STIM1: variants seen among roughly 807,000 people sequenced by gnomAD.
The protein encoded by STIM1 is stromal interaction molecule 1.
A neutral mutation model predicts 74.7 loss-of-function variants in STIM1; 25 were observed. The ratio of observed to expected loss-of-function variants is 0.33; its 90% CI spans 0.24 to 0.47. The LOEUF (loss-of-function observed/expected upper bound fraction) is 0.47, where lower values mean the gene tolerates loss of function less well. Ranked by LOEUF, STIM1 falls within the 20% of genes least tolerant of loss-of-function variation. STIM1 has a pLI of 1.00. For synonymous variants in STIM1, 328 were observed against 348.8 expected (o/e 0.94, Z 0.66); for missense variants, 728 against 920.8 (o/e 0.79, Z 2.71).
intron 1 of STIM1, among the ~76,000 whole-genome samples, chr11:3,936,000 A>G (rs139420335): frequency 1.2e-3 from 176 of 152,284 alleles, no homozygotes; most frequent in Non-Finnish European, 2.0e-3. Flanking sequence ...AACTTTTCAA[A>G]TGGACTTTAT....
At chr11:3,919,354 C>T (rs985690587) in intron 1 of STIM1, among the ~76,000 whole-genome samples, 16 of 152,142 alleles carry the variant, frequency 1.1e-4, no homozygotes, top group Admixed American at 3.9e-4. Flanking sequence ...TACAGGCATG[C>T]GCCACCATGT....
At chr11:3,916,472 CGAA>C (rs2092645618) in intron 1 of STIM1, among the ~76,000 whole-genome samples, 1 of 135,960 alleles carries the variant, frequency 7.4e-6, no homozygotes, top group African/African-American at 2.8e-5. Flanking sequence ...TTTTTTTTGA[CGAA>C]GTCTCACTCT....
At chr11:4,082,146 G>A in intron 7 of STIM1, 38 bp from the exon 8 acceptor site, 1 of 1,610,332 alleles carries the variant, frequency 6.2e-7, no homozygotes, top group Non-Finnish European at 8.5e-7. Context: ...GAGAGTCTTA[G>A]TAGCAGTAAA....
At chr11:3,953,483 A>G (rs1230811278) in intron 1 of STIM1, among the ~76,000 whole-genome samples, 1 of 152,228 alleles carries the variant, frequency 6.6e-6, no homozygotes, top group African/African-American at 2.4e-5. Flanking sequence ...GCCCGGTTGC[A>G]TAGGCTGATC....
intron 3 of STIM1, among the ~76,000 whole-genome samples, chr11:4,025,687 GA>G (rs1188461882): frequency 1.3e-5 from 2 of 152,166 alleles, no homozygotes; most frequent in African/African-American, 2.4e-5. Flanking sequence ...AAGTATCTAG[GA>G]AAGGAAAGTG....
At chr11:3,912,202 C>T (rs2092574835) in intron 1 of STIM1, among the ~76,000 whole-genome samples, 1 of 107,092 alleles carries the variant, frequency 9.3e-6, no homozygotes, top group Non-Finnish European at 2.0e-5. Context: ...TCCCTTCTCC[C>T]CTACCTTCTC....
rs2094476187 is a variant in STIM1 at position 4,083,490 on chromosome 11, C to T, written c.1466C>T (p.Ser489Phe). The change falls in exon 10 of 13, where the codon TCC (serine) becomes TTC (phenylalanine). Residue 489 changes from serine to phenylalanine, a missense_variant. Transcript: ENST00000526596. ...DMDEEIVSPL[S>F]MQYAAWLMGR... ...GATGAGGAGATTGTGTCTCCCTTGT[C>T]CATGCAGTGTAGGTGACCTCTTTGC... 1 of 1,613,520 alleles carries T rather than the reference C, an allele frequency of 6.2e-7. No homozygotes were observed. Among genetic ancestry groups the T allele is most frequent in the South Asian group, 1.1e-5 (1 of 90,968 alleles).
At chr11:4,018,302 A>G (rs1212111619) in intron 2 of STIM1, among the ~76,000 whole-genome samples, 7 of 150,234 alleles carry the variant, frequency 4.7e-5, no homozygotes, top group Non-Finnish European at 1.0e-4. Context: ...ACAAAAAAAA[A>G]TTAGCCGGGC....
At chr11:3,906,062 C>T (rs988719365) in intron 1 of STIM1, among the ~76,000 whole-genome samples, 4 of 152,156 alleles carry the variant, frequency 2.6e-5, no homozygotes, top group African/African-American at 9.7e-5. Flanking sequence ...TTACCAGGGC[C>T]CCTGAGGCCC....
rs188942126 is a variant in STIM1, at chr11:3,900,221, C to T, written c.139+43812C>T. 6.7e-3 allele frequency among the ~76,000 whole-genome samples: 1,013 copies of T among 152,246 alleles called. 16 individuals carry two copies. The highest frequency in any genetic ancestry group is 0.023 in the African/African-American group (963 of 41,520). On this transcript the variant is annotated intron_variant, in intron 1 of 12. Coordinates refer to ENST00000526596, the MANE Select transcript of STIM1 (RefSeq NM_001382567.1). ...CTAGCAATCAGCAAGACTCCCTGGGCGTATGACCCTCCGAGCCAGGTGCGG... is the reference window on the plus strand; with the variant it reads ...CTAGCAATCAGCAAGACTCCCTGGGTGTATGACCCTCCGAGCCAGGTGCGG...
At chr11:4,066,616 A>G (rs939552725) in intron 5 of STIM1, among the ~76,000 whole-genome samples, 1 of 152,122 alleles carries the variant, frequency 6.6e-6, no homozygotes, top group Admixed American at 6.5e-5. Flanking sequence ...AGGCTGAGGT[A>G]GGAGGATCTC....
chr11:4,083,510 C>T lies in STIM1; in HGVS notation c.1474+12C>T. ...CTTGTCCATGCAGTGTAGGTGACCTCTTTGCGGGGATGAAGGAAGGAGCCT... is the reference window on the plus strand; with the variant it reads ...CTTGTCCATGCAGTGTAGGTGACCTTTTTGCGGGGATGAAGGAAGGAGCCT... On this transcript the variant is annotated intron_variant, in intron 10 of 12. Coordinates refer to ENST00000526596, the MANE Select transcript of STIM1 (RefSeq NM_001382567.1). 6.2e-7 allele frequency: 1 copy of T among 1,608,456 alleles called. No individual in the cohort carries two copies. Among genetic ancestry groups the T allele is most frequent in the African/African-American group, 1.3e-5 (1 of 74,928 alleles).
At chr11:3,916,483 T>A (rs1312379382) in intron 1 of STIM1, among the ~76,000 whole-genome samples, 6 of 146,460 alleles carry the variant, frequency 4.1e-5, no homozygotes, top group South Asian at 2.2e-4. Context: ...GAAGTCTCAC[T>A]CTTGTCCCCC....
intron 1 of STIM1, among the ~76,000 whole-genome samples, chr11:3,878,492 TAC>T (rs1269605804): frequency 6.6e-6 from 1 of 152,176 alleles, no homozygotes; most frequent in African/African-American, 2.4e-5. Flanking sequence ...AGATAATTAT[TAC>T]TTCTTCAATG....
intron 1 of STIM1, chr11:3,868,172 T>A (rs2090938396): frequency 8.0e-6 from 1 of 125,414 alleles, no homozygotes; most frequent in South Asian, 2.4e-4. Flanking sequence ...GGAGGTCTTG[T>A]TTCAAGAAAC....
chr11:4,076,285 A>T (rs958070505), intron 7 of STIM1, among the ~76,000 whole-genome samples: 3 of 151,918 alleles, frequency 2.0e-5, no homozygotes, highest in African/African-American at 7.3e-5. Context: ...CAGAAGTTCG[A>T]GACCAGCCTG....
intron 2 of STIM1, among the ~76,000 whole-genome samples, chr11:3,972,648 G>C (rs1418164641): frequency 6.7e-6 from 1 of 148,892 alleles, no homozygotes; most frequent in Non-Finnish European, 1.5e-5. Context: ...TTTTTTTTTT[G>C]CCTATACACA....
At chr11:4,028,427 G>A (rs1239651737) in intron 3 of STIM1, among the ~76,000 whole-genome samples, 1 of 142,494 alleles carries the variant, frequency 7.0e-6, no homozygotes, top group African/African-American at 2.6e-5. Context: ...TTTTTTTTTC[G>A]AGGTGGAGTC....
At chr11:3,906,594 A>G (rs903513588) in intron 1 of STIM1, among the ~76,000 whole-genome samples, 7 of 152,146 alleles carry the variant, frequency 4.6e-5, no homozygotes, top group Admixed American at 3.9e-4. Flanking sequence ...AGCACCTACT[A>G]TTTGCTAGGC....
Sources: gnomAD v4.1 joint callset for allele counts (sites outside exome capture counted in the v4.1 genomes callset) on GRCh38, gnomAD v4.1.1 for gene constraint, MANE v1.5 for transcripts, NCBI Gene and HGNC (gene_info 2026-07-23, HGNC 2026-07-21) for gene names.